Variants in TMEM45B observed in about 807,000 individuals in gnomAD.
TMEM45B encodes transmembrane protein 45B.
TMEM45B carries 29 observed loss-of-function variants against 27.3 expected under a neutral mutation model. That is an observed-to-expected ratio of 1.06 (90% CI 0.79 to 1.45). The LOEUF (loss-of-function observed/expected upper bound fraction) is 1.45. TMEM45B is among the 40% of genes most tolerant of loss of function. The pLI is 0.00. For synonymous variants in TMEM45B, 143 were observed against 134.7 expected (o/e 1.06, Z -0.43); for missense variants, 348 against 343.9 (o/e 1.01, Z -0.09).
chr11:129,855,115 G>A (rs532295533), intron 3 of TMEM45B, among the ~76,000 whole-genome samples: 8 of 152,262 alleles, frequency 5.3e-5, no homozygotes, highest in African/African-American at 1.4e-4. Flanking sequence ...GCTCACACAC[G>A]TGCATATTCC....
Position 129,854,664 on chromosome 11 carries a change from A to G in TMEM45B, c.233A>G (p.Glu78Gly). 1 of 1,614,242 alleles carries G rather than the reference A, an allele frequency of 6.2e-7. No homozygotes were observed. Residue 78 changes from glutamate to glycine, a missense_variant, in exon 3 of 6, where the codon GAG (glutamate) becomes GGG (glycine). By Grantham distance (98) the Glu-to-Gly change is moderately conservative. Coordinates refer to ENST00000281441, the MANE Select transcript of TMEM45B (RefSeq NM_138788.5). ...PDGPHLHLYH[E>G]NHWIKLMNWQ... ...GGGCCCCACCTGCACCTCTACCATG[A>G]GAACCACTGGATAAAGTTAATGAAT...
chr11:129,840,009 T>C (rs143585492), intron 1 of TMEM45B, among the ~76,000 whole-genome samples: 145 of 152,362 alleles, frequency 9.5e-4, no homozygotes, highest in African/African-American at 3.4e-3. Flanking sequence ...CAGCAGGGGC[T>C]TAGCCTATAT....
chr11:129,818,155 T>C (rs1947374878), intron 1 of TMEM45B, among the ~76,000 whole-genome samples: 1 of 152,134 alleles, frequency 6.6e-6, no homozygotes, highest in African/African-American at 2.4e-5. Context: ...CAGCTACCCC[T>C]CTCCCCAAAA....
intron 1 of TMEM45B, among the ~76,000 whole-genome samples, chr11:129,849,926 G>A (rs375590909): frequency 1.3e-5 from 2 of 152,046 alleles, no homozygotes; most frequent in African/African-American, 2.4e-5. Flanking sequence ...GTCATTTTCC[G>A]AAATGACTTT....
intron 1 of TMEM45B, among the ~76,000 whole-genome samples, chr11:129,844,157 A>G (rs1947729939): frequency 6.6e-6 from 1 of 152,212 alleles, no homozygotes; most frequent in Non-Finnish European, 1.5e-5. Context: ...AACAACATGG[A>G]TGAACCTTGA....
chr11:129,838,996 C>T (rs1947657935), intron 1 of TMEM45B, among the ~76,000 whole-genome samples: 1 of 152,190 alleles, frequency 6.6e-6, no homozygotes, highest in African/African-American at 2.4e-5. Flanking sequence ...ACCATTTCCT[C>T]TCTCTTCTGT....
At chr11:129,858,543 C>T in intron 5 of TMEM45B, 31 bp from the exon 6 acceptor site, 1 of 1,504,200 alleles carries the variant, frequency 6.6e-7, no homozygotes, top group Non-Finnish European at 9.1e-7. Flanking sequence ...GAATCTCTGG[C>T]TAATTGGCTC....
intron 1 of TMEM45B, among the ~76,000 whole-genome samples, chr11:129,828,662 A>G (rs2135561120): frequency 6.6e-6 from 1 of 152,340 alleles, no homozygotes; most frequent in South Asian, 2.1e-4. Context: ...TGTATTCCAA[A>G]GCAAACCCAG....
At chr11:129,837,281 C>CT (rs1022812695) in intron 1 of TMEM45B, among the ~76,000 whole-genome samples, 5 of 151,372 alleles carry the variant, frequency 3.3e-5, no homozygotes, top group South Asian at 2.1e-4. Flanking sequence ...TGAGGGGTTT[C>CT]TTTTTTTTCT....
intron 1 of TMEM45B, among the ~76,000 whole-genome samples, chr11:129,816,899 G>T (rs1276725458): frequency 6.9e-6 from 1 of 145,782 alleles, no homozygotes; most frequent in Non-Finnish European, 1.5e-5. Flanking sequence ...CACCACGCCC[G>T]GCTAATTTTT....
chr11:129,847,879 C>T (rs1432847103), intron 1 of TMEM45B, among the ~76,000 whole-genome samples: 2 of 151,860 alleles, frequency 1.3e-5, no homozygotes, highest in African/African-American at 2.4e-5. Context: ...CATCATGGCC[C>T]GTTCTCAATG....
chr11:129,818,996 T>G (rs1947384861), intron 1 of TMEM45B, among the ~76,000 whole-genome samples: 1 of 152,090 alleles, frequency 6.6e-6, no homozygotes, highest in Admixed American at 6.5e-5. Context: ...CTTATTTTGA[T>G]GTACTCTTTT....
In TMEM45B at chr11:129,834,118, T is replaced by G. The variant is rs1169569298; in HGVS notation, c.-9+18220T>G. On this transcript the variant is annotated intron_variant, in intron 1 of 5. Transcript: ENST00000281441. ...ATGTTGGAAAAGGCCTAAATTGCCTTAAAGAGACTGTTGATAGAAATGTGG... is the reference window on the plus strand; with the variant it reads ...ATGTTGGAAAAGGCCTAAATTGCCTGAAAGAGACTGTTGATAGAAATGTGG... Among the ~76,000 whole-genome samples the G allele has an allele frequency of 2.6e-5, 4 of 152,108 alleles. No individual in the cohort carries two copies. The South Asian group carries it at 8.3e-4, about 32-fold the overall frequency.
At position 129,838,972 on chromosome 11, in the gene TMEM45B, C is replaced by A. The variant is rs557465532; in HGVS notation, c.-8-13503C>A. Among the ~76,000 whole-genome samples, 233 of 152,310 alleles carry A rather than the reference C, an allele frequency of 1.5e-3. 1 individual carries two copies. Among genetic ancestry groups the A allele is most frequent in the African/African-American group, 4.9e-3 (204 of 41,572 alleles). On this transcript the variant is annotated intron_variant, in intron 1 of 5. Transcript: ENST00000281441. Reference sequence around the variant, plus strand: ...AGCCAAATGGCATCAACCATAATTTCTCCTTTCCTTGGCACCATTTCCTCT... The same window carrying A: ...AGCCAAATGGCATCAACCATAATTTATCCTTTCCTTGGCACCATTTCCTCT...
In TMEM45B at chr11:129,852,396, C is replaced by T. The variant is rs145524617; in HGVS notation, c.-8-79C>T. On this transcript the variant is annotated intron_variant, in intron 1 of 5. Coordinates refer to ENST00000281441, the MANE Select transcript of TMEM45B (RefSeq NM_138788.5). Reference sequence around the variant, plus strand: ...GGCTTATGATTTGCAATCTCAGGCACGTATTGTGTTTCCTGCCAAAATATA... The same window carrying T: ...GGCTTATGATTTGCAATCTCAGGCATGTATTGTGTTTCCTGCCAAAATATA... The T allele has an allele frequency of 6.1e-5, 77 of 1,264,084 alleles. No homozygotes were observed. The East Asian group carries it at 6.9e-4, about 11-fold the overall frequency. 78.3% of individuals were successfully genotyped at this position (1,264,084 alleles called of 1,614,324 possible).
rs756598307 is a variant in TMEM45B, at chr11:129,855,737, C to T, written c.415C>T (p.Arg139Trp). The change falls in exon 4 of 6, where the codon CGG becomes TGG. Residue 139 changes from arginine (R) to tryptophan (W), a missense_variant. Physicochemically the swap from Arg to Trp is moderately radical, Grantham distance 101 (BLOSUM62 -3). Coordinates refer to ENST00000281441, the MANE Select transcript of TMEM45B (RefSeq NM_138788.5). ...GFLFYYHVHN[R>W]PPLDQHIHSL... ...CCTCTTCTACTACCACGTCCACAAC[C>T]GGCCTCCGCTGGACCAGCACATCCA... The T allele has an allele frequency of 4.5e-5, 72 of 1,614,038 alleles. No individual in the cohort carries two copies. The highest frequency in any genetic ancestry group is 5.7e-5 in the Non-Finnish European group (67 of 1,180,044).
chr11:129,852,099 T>C (rs1026557643), intron 1 of TMEM45B, among the ~76,000 whole-genome samples: 1 of 152,246 alleles, frequency 6.6e-6, no homozygotes, highest in African/African-American at 2.4e-5. Flanking sequence ...TACCTTTTGA[T>C]GTTCTTGATA....
At chr11:129,819,465 G>A (rs936640800) in intron 1 of TMEM45B, among the ~76,000 whole-genome samples, 21 of 152,138 alleles carry the variant, frequency 1.4e-4, no homozygotes, top group Non-Finnish European at 2.5e-4. Flanking sequence ...ACTCACTTCC[G>A]CAAGTTGCAG....
At chr11:129,849,347 CAAGT>C (rs1209245293) in intron 1 of TMEM45B, among the ~76,000 whole-genome samples, 4 of 152,194 alleles carry the variant, frequency 2.6e-5, no homozygotes, top group East Asian at 1.9e-4. Context: ...CAACAGGTCT[CAAGT>C]GAGTCCAAAA....
Sources: allele counts gnomAD v4.1 joint callset (sites outside exome capture counted in the v4.1 genomes callset), GRCh38; gene constraint gnomAD v4.1.1; transcripts MANE v1.5; gene names NCBI Gene and HGNC (gene_info 2026-07-23, HGNC 2026-07-21).